Variants in CLEC2A observed in about 807,000 individuals in gnomAD.
CLEC2A encodes the protein keratinocyte-associated C-type lectin.
In CLEC2A, 19 loss-of-function variants were observed where a neutral mutation model predicts 18.6. The observed-to-expected ratio is 1.02, with a 90% CI of 0.71 to 1.50. CLEC2A has a LOEUF of 1.50. Ranked by LOEUF, CLEC2A falls within the 40% of genes most tolerant of loss-of-function variation. The pLI is 0.00. For synonymous variants in CLEC2A, 74 were observed against 64.0 expected, an observed-to-expected ratio of 1.16 and a Z score of -0.75; for missense variants, 190 against 207.9, an observed-to-expected ratio of 0.91 and a Z score of 0.53.
intron 3 of CLEC2A, among the ~76,000 whole-genome samples, chr12:9,917,425 A>G (rs1863090804): frequency 6.6e-6 from 1 of 152,224 alleles, no homozygotes; most frequent in African/African-American, 2.4e-5. Context: ...AGGACTGGAA[A>G]GTGTTTTATG....
At chr12:9,905,286 G>T (rs1480887900) in intron 4 of CLEC2A, among the ~76,000 whole-genome samples, 1 of 152,078 alleles carries the variant, frequency 6.6e-6, no homozygotes, top group Non-Finnish European at 1.5e-5. Flanking sequence ...CACTAGGTAG[G>T]GTCCTTCCTA....
chr12:9,919,321 C>A (rs1208898266), intron 3 of CLEC2A, among the ~76,000 whole-genome samples: 1 of 152,236 alleles, frequency 6.6e-6, no homozygotes, highest in Non-Finnish European at 1.5e-5. Context: ...TCATTCAGTG[C>A]AATCAGCCCA....
chr12:9,893,001 C>T, the CLEC2A span: 1 of 1,518,016 alleles, frequency 6.6e-7, no homozygotes. Context: ...AATTAATTTT[C>T]CCCTATGTTT....
At chr12:9,895,728 C>T (rs114504560), downstream of CLEC2A, 49,438 of 1,535,334 alleles carry the variant, frequency 0.032, 926 homozygotes, top group Non-Finnish European at 0.036. Flanking sequence ...GGAGCTGTGC[C>T]GTTATCACAG....
At chr12:9,884,907 C>T in the CLEC2A span, 5 of 762,688 alleles carry the variant, frequency 6.6e-6, no homozygotes, top group African/African-American at 9.1e-5. Context: ...TGAATAATCA[C>T]AAGAATTCTA....
intron 2 of CLEC2A, 115 bp from the exon 3 acceptor site, chr12:9,922,347 T>C (rs1164725558): frequency 4.2e-6 from 3 of 714,834 alleles, no homozygotes; most frequent in Non-Finnish European, 6.3e-6. Flanking sequence ...GTAAGTTAGC[T>C]TCCCCCCTCC....
At chr12:9,887,515 T>A in the CLEC2A span, among the ~76,000 whole-genome samples, 1 of 152,220 alleles carries the variant, frequency 6.6e-6, no homozygotes, top group Non-Finnish European at 1.5e-5. Context: ...TTCCATTCAT[T>A]GTTTTGGAAT....
chr12:9,892,947 C>A, the CLEC2A span: 3 of 1,197,706 alleles, frequency 2.5e-6, no homozygotes, highest in Admixed American at 5.5e-5. Context: ...TCCAAGTAGT[C>A]ACATTTGATA....
At chr12:9,883,220 G>T in the CLEC2A span, among the ~76,000 whole-genome samples, 6 of 152,126 alleles carry the variant, frequency 3.9e-5, no homozygotes, top group Admixed American at 3.9e-4. Flanking sequence ...CCTTAAGATT[G>T]ATATAATTAA....
chr12:9,882,840 G>A, the CLEC2A span, among the ~76,000 whole-genome samples: 2 of 152,022 alleles, frequency 1.3e-5, no homozygotes, highest in Non-Finnish European at 2.9e-5. Context: ...TATGGCTCTG[G>A]GCAGAAGCTT....
At chr12:9,898,043 A>G (rs1862776590), downstream of CLEC2A, among the ~76,000 whole-genome samples, 1 of 152,266 alleles carries the variant, frequency 6.6e-6, no homozygotes, top group South Asian at 2.1e-4. Context: ...TGCTGTAAGC[A>G]TAAAATGAGT....
chr12:9,886,224 T>C, the CLEC2A span, among the ~76,000 whole-genome samples: 7 of 152,174 alleles, frequency 4.6e-5, no homozygotes, highest in Admixed American at 4.6e-4. Flanking sequence ...TGTGTGTTTC[T>C]ATAAAATTTG....
intron 1 of CLEC2A, among the ~76,000 whole-genome samples, chr12:9,931,335 T>G (rs1863372166): frequency 6.6e-6 from 1 of 152,210 alleles, no homozygotes. Flanking sequence ...GATCAAGAGT[T>G]CGTAACTATG....
chr12:9,904,122 C>A (rs932489014), intron 4 of CLEC2A, among the ~76,000 whole-genome samples: 1 of 152,166 alleles, frequency 6.6e-6, no homozygotes, highest in Admixed American at 6.5e-5. Flanking sequence ...CCCTTTAGGT[C>A]TCCCAGAAAT....
rs1304342334 is a variant in CLEC2A, at chr12:9,913,501, C to T, written c.*65G>A. On this transcript the variant is annotated 3_prime_UTR_variant, in exon 5 of 5. Coordinates refer to ENST00000455827, the MANE Select transcript of CLEC2A (RefSeq NM_001130711.2). ...TGTAACAGAATAAGTGAGAAAGCCACTTTTGCATAATTAGCTCTTCTTTCA... is the reference window on the plus strand; with the variant it reads ...TGTAACAGAATAAGTGAGAAAGCCATTTTTGCATAATTAGCTCTTCTTTCA... The T allele has an allele frequency of 6.7e-7, 1 of 1,502,276 alleles. No individual in the cohort carries two copies. Among genetic ancestry groups the T allele is most frequent in the Non-Finnish European group, 8.8e-7 (1 of 1,131,600 alleles). 93.1% of individuals were successfully genotyped at this position (1,502,276 alleles called of 1,614,324 possible).
chr12:9,895,697 T>A (rs1328936242), downstream of CLEC2A: 2 of 1,530,758 alleles, frequency 1.3e-6, no homozygotes, highest in Non-Finnish European at 1.7e-6. Context: ...AGGTTTTCAG[T>A]GATTGGACCA....
At chr12:9,928,471 GA>G (rs1863315239) in intron 1 of CLEC2A, among the ~76,000 whole-genome samples, 1 of 150,590 alleles carries the variant, frequency 6.6e-6, no homozygotes, top group Non-Finnish European at 1.5e-5. Flanking sequence ...TCTTAAAAAA[GA>G]AAAAGAAAGA....
chr12:9,913,714 C>A (rs1355704659), intron 4 of CLEC2A, 34 bp from the exon 5 acceptor site: 17 of 1,322,072 alleles, frequency 1.3e-5, no homozygotes, highest in African/African-American at 3.0e-5. Context: ...GTCTGGGAAC[C>A]ACTTACGGCT....
At chr12:9,904,283 G>A (rs1184105384) in intron 4 of CLEC2A, among the ~76,000 whole-genome samples, 2 of 152,202 alleles carry the variant, frequency 1.3e-5, no homozygotes, top group Admixed American at 6.5e-5. Flanking sequence ...CCAGGCTGTG[G>A]GGTGTTGGGA....
Sources: gnomAD v4.1 joint callset for allele counts (sites outside exome capture counted in the v4.1 genomes callset) on GRCh38, gnomAD v4.1.1 for gene constraint, MANE v1.5 for transcripts, NCBI Gene and HGNC (gene_info 2026-07-23, HGNC 2026-07-21) for gene names.